KCNB2: variants seen among roughly 807,000 people sequenced by gnomAD.
KCNB2 encodes delayed rectifier potassium channel protein.
KCNB2 carries 15 observed loss-of-function variants against 61.5 expected under a neutral mutation model. That is an observed-to-expected ratio of 0.24 (90% confidence interval 0.16 to 0.38). The LOEUF (loss-of-function observed/expected upper bound fraction) is 0.38. KCNB2 is among the 10% of genes least tolerant of loss of function. The probability of loss-of-function intolerance (pLI) is 1.00; values close to 1 mark genes in which losing one functional copy is unlikely to be tolerated. For missense variants in KCNB2, 828 were observed against 1,125.2 expected, an observed-to-expected ratio of 0.74 and a Z score of 3.78; for synonymous variants, 457 against 446.0, an observed-to-expected ratio of 1.02 and a Z score of -0.31.
At chr8:72,700,157 G>A (rs1175434472) in intron 2 of KCNB2, among the ~76,000 whole-genome samples, 5 of 151,996 alleles carry the variant, frequency 3.3e-5, no homozygotes, top group African/African-American at 1.2e-4. Context: ...AGAACACATG[G>A]GCACAGGGAG....
chr8:72,892,704 T>C (rs17775767), intron 2 of KCNB2, among the ~76,000 whole-genome samples: 3,876 of 152,272 alleles, frequency 0.025, 80 homozygotes, highest in Non-Finnish European at 0.042. Flanking sequence ...TTAAGCCCGT[T>C]TCCTTCTCCT....
chr8:72,702,051 A>C (rs1303942941), intron 2 of KCNB2, among the ~76,000 whole-genome samples: 1 of 152,206 alleles, frequency 6.6e-6, no homozygotes, highest in African/African-American at 2.4e-5. Flanking sequence ...ATCTTAACTT[A>C]GGAAAAAAAA....
intron 2 of KCNB2, among the ~76,000 whole-genome samples, chr8:72,702,250 C>T (rs1253156207): frequency 6.6e-6 from 1 of 152,126 alleles, no homozygotes; most frequent in Admixed American, 6.5e-5. Flanking sequence ...GGAACTCGCT[C>T]AGCATTGCTC....
chr8:72,863,193 C>T (rs1385142000), intron 2 of KCNB2, among the ~76,000 whole-genome samples: 2 of 152,166 alleles, frequency 1.3e-5, no homozygotes, highest in African/African-American at 4.8e-5. Context: ...AGCAGCATGT[C>T]ATTTGTTTCT....
At chr8:72,836,144 G>A (rs1585921005) in intron 2 of KCNB2, among the ~76,000 whole-genome samples, 1 of 152,170 alleles carries the variant, frequency 6.6e-6, no homozygotes. Context: ...TTTGCCAAGT[G>A]CCTATCACAG....
chr8:72,544,825 T>C (rs2128976701), intron 1 of KCNB2, among the ~76,000 whole-genome samples: 1 of 152,328 alleles, frequency 6.6e-6, no homozygotes, highest in Middle Eastern at 3.4e-3. Context: ...CTCTTGATAC[T>C]AGAAACATGA....
At chr8:72,539,767 C>G (rs1806164420) in intron 1 of KCNB2, among the ~76,000 whole-genome samples, 1 of 152,174 alleles carries the variant, frequency 6.6e-6, no homozygotes, top group Non-Finnish European at 1.5e-5. Flanking sequence ...TCACTGTTCT[C>G]CAAGTCCAAC....
chr8:72,722,667 A>G (rs1807571163), intron 2 of KCNB2, among the ~76,000 whole-genome samples: 2 of 152,202 alleles, frequency 1.3e-5, no homozygotes, highest in South Asian at 2.1e-4. Flanking sequence ...AAATAAATGG[A>G]CAAAATGGTT....
intron 2 of KCNB2, among the ~76,000 whole-genome samples, chr8:72,674,078 T>C (rs1169372419): frequency 6.6e-6 from 1 of 152,200 alleles, no homozygotes; most frequent in Non-Finnish European, 1.5e-5. Context: ...ATAGCCCTTC[T>C]CTATTGGAAG....
chr8:72,791,607 G>A (rs1417600138), intron 2 of KCNB2, among the ~76,000 whole-genome samples: 10 of 152,060 alleles, frequency 6.6e-5, no homozygotes, highest in Non-Finnish European at 4.4e-5. Flanking sequence ...ACTCCTTAGA[G>A]GAAACACAAT....
intron 2 of KCNB2, among the ~76,000 whole-genome samples, chr8:72,569,267 G>A (rs1806674666): frequency 6.6e-6 from 1 of 152,200 alleles, no homozygotes; most frequent in Non-Finnish European, 1.5e-5. Flanking sequence ...ATGGAGAAGG[G>A]AAGAGTGTGT....
chr8:72,569,956 A>G (rs1212023343), intron 2 of KCNB2, among the ~76,000 whole-genome samples: 3 of 152,186 alleles, frequency 2.0e-5, no homozygotes, highest in Non-Finnish European at 2.9e-5. Context: ...TTATTAACCT[A>G]TATCTAAAGT....
At chr8:72,803,183 A>G (rs1217345802) in intron 2 of KCNB2, among the ~76,000 whole-genome samples, 1 of 152,164 alleles carries the variant, frequency 6.6e-6, no homozygotes, top group Admixed American at 6.5e-5. Context: ...AGACAGCATC[A>G]GCATCAGGGA....
chr8:72,660,751 A>G (rs1197060610), intron 2 of KCNB2: 2 of 152,188 alleles, frequency 1.3e-5, no homozygotes, highest in Non-Finnish European at 2.9e-5. Context: ...TTACATGGAT[A>G]GCTGATCTTG....
At chr8:72,824,129 A>C (rs1585913962) in intron 2 of KCNB2, among the ~76,000 whole-genome samples, 1 of 152,178 alleles carries the variant, frequency 6.6e-6, no homozygotes, top group Non-Finnish European at 1.5e-5. Context: ...TTAGCTGTGC[A>C]ATTCAAAGTA....
At chr8:72,831,811 G>T (rs1809702411) in intron 2 of KCNB2, among the ~76,000 whole-genome samples, 1 of 152,206 alleles carries the variant, frequency 6.6e-6, no homozygotes, top group Non-Finnish European at 1.5e-5. Flanking sequence ...CAAGGAATTA[G>T]ACCTTATATA....
chr8:72,715,013 A>C (rs2128992188), intron 2 of KCNB2, among the ~76,000 whole-genome samples: 1 of 152,306 alleles, frequency 6.6e-6, no homozygotes, highest in Admixed American at 6.5e-5. Context: ...TTGCAATCCT[A>C]GTCTCGGATA....
chr8:72,738,219 C>T (rs1245430748), intron 2 of KCNB2, among the ~76,000 whole-genome samples: 2 of 152,136 alleles, frequency 1.3e-5, no homozygotes, highest in African/African-American at 2.4e-5. Context: ...GGCTCCATGA[C>T]ACCTCAAGAA....
chr8:72,703,587 G>A (rs1053235278), intron 2 of KCNB2, among the ~76,000 whole-genome samples: 10 of 152,184 alleles, frequency 6.6e-5, no homozygotes, highest in African/African-American at 2.4e-4. Flanking sequence ...TTCCCAGAGA[G>A]GGTCTCAGCT....
Sources: gnomAD v4.1 joint callset for allele counts (sites outside exome capture counted in the v4.1 genomes callset) on GRCh38, gnomAD v4.1.1 for gene constraint, MANE v1.5 for transcripts, NCBI Gene and HGNC (gene_info 2026-07-23, HGNC 2026-07-21) for gene names.